Variants in BRINP3 observed in about 807,000 individuals in gnomAD.
BRINP3 encodes the protein BMP/retinoic acid-inducible neural-specific protein 3.
In BRINP3, 19 loss-of-function variants were observed where a neutral mutation model predicts 71.0. That is an observed-to-expected ratio of 0.27 (90% CI 0.19 to 0.39). The LOEUF is 0.39. Ranked by LOEUF, BRINP3 falls within the 10% of genes least tolerant of loss-of-function variation. BRINP3 has a pLI of 1.00. For synonymous variants in BRINP3, 380 were observed against 337.7 expected (o/e 1.13, Z -1.37); for missense variants, 959 against 940.8 (o/e 1.02, Z -0.25).
chr1:190,469,606 T>C (rs1676993792), intron 1 of BRINP3, among the ~76,000 whole-genome samples: 1 of 150,950 alleles, frequency 6.6e-6, no homozygotes, highest in African/African-American at 2.4e-5. Flanking sequence ...GTATATACAT[T>C]TACAGGGCTG....
At chr1:190,204,731 A>G (rs1655342868) in intron 6 of BRINP3, among the ~76,000 whole-genome samples, 1 of 152,038 alleles carries the variant, frequency 6.6e-6, no homozygotes, top group Non-Finnish European at 1.5e-5. Flanking sequence ...ATACTATGAG[A>G]GGATTTCAGA....
intron 3 of BRINP3, among the ~76,000 whole-genome samples, chr1:190,268,281 T>C (rs539633753): frequency 4.6e-5 from 7 of 152,260 alleles, no homozygotes; most frequent in South Asian, 2.1e-4. Context: ...TTTTTTCCCA[T>C]AGAGATGGAG....
chr1:190,101,253 A>G (rs1487724792), intron 7 of BRINP3, among the ~76,000 whole-genome samples: 1 of 152,180 alleles, frequency 6.6e-6, no homozygotes, highest in Non-Finnish European at 1.5e-5. Flanking sequence ...AAATTCTCCC[A>G]AAAGTATGCC....
chr1:190,449,153 A>T lies in BRINP3; in HGVS notation c.236+5502T>A, dbSNP rs1675434998. Among the ~76,000 whole-genome samples the T allele has an allele frequency of 2.0e-5, 3 of 152,080 alleles. No homozygotes were observed. In the South Asian group the frequency reaches 6.2e-4, roughly 31 times the overall value. Reference sequence around the variant, plus strand: ...TAACATTTCCTTGAAATTTTAAAACAATATTTACTATTTTTCACTAAACTC... The same window carrying T: ...TAACATTTCCTTGAAATTTTAAAACTATATTTACTATTTTTCACTAAACTC... On this transcript the variant is annotated intron_variant, in intron 2 of 7. Coordinates refer to ENST00000367462, the MANE Select transcript of BRINP3 (RefSeq NM_199051.3).
At chr1:190,374,952 T>C (rs749537749) in intron 2 of BRINP3, among the ~76,000 whole-genome samples, 1 of 151,880 alleles carries the variant, frequency 6.6e-6, no homozygotes, top group Non-Finnish European at 1.5e-5. Flanking sequence ...AAACAATAAT[T>C]TAAGTACTCA....
Position 190,454,901 on chromosome 1 carries a change from G to C in BRINP3, c.-11C>G, listed in dbSNP as rs1161170206. 1 of 1,606,204 alleles carries C rather than the reference G, an allele frequency of 6.2e-7. No homozygotes were observed. The highest frequency in any genetic ancestry group is 1.3e-5 in the African/African-American group (1 of 74,706). ...GCTTCGCCATATCATGCTTCCACTG[G>C]GGATTTAGAGCCTTCATTCTCTCAG... On this transcript the variant is annotated 5_prime_UTR_variant, in exon 2 of 8. Coordinates refer to ENST00000367462, the MANE Select transcript of BRINP3 (RefSeq NM_199051.3).
chr1:190,271,490 T>A (rs1311364192), intron 3 of BRINP3, among the ~76,000 whole-genome samples: 6 of 151,570 alleles, frequency 4.0e-5, no homozygotes, highest in Non-Finnish European at 4.4e-5. Context: ...TCTCTTTTAT[T>A]CACCACTATT....
Position 190,360,092 on chromosome 1 carries a change from G to A in BRINP3, c.237-78342C>T, listed in dbSNP as rs144952981. ...GTTCATCATTTCCACTATGTAAGTG[G>A]CATCTAAACTGTAAATTTCCCTCAC... On this transcript the variant is annotated intron_variant, in intron 2 of 7. Transcript: ENST00000367462. Among the ~76,000 whole-genome samples the A allele has an allele frequency of 5.2e-3, 785 of 152,236 alleles. 7 individuals carry two copies. The highest frequency in any genetic ancestry group is 0.018 in the African/African-American group (736 of 41,554).
intron 2 of BRINP3, among the ~76,000 whole-genome samples, chr1:190,340,055 G>A (rs970920561): frequency 1.3e-5 from 2 of 151,842 alleles, no homozygotes; most frequent in Non-Finnish European, 2.9e-5. Flanking sequence ...AGAAAAAATA[G>A]CTATTTCTAT....
chr1:190,258,194 G>C (rs186449350), intron 4 of BRINP3, among the ~76,000 whole-genome samples: 15 of 152,154 alleles, frequency 9.9e-5, no homozygotes, highest in Non-Finnish European at 1.6e-4. Context: ...CAGCAATGAC[G>C]GACGCCCCTC....
At chr1:190,124,712 T>A (rs1190615268) in intron 7 of BRINP3, among the ~76,000 whole-genome samples, 5 of 152,016 alleles carry the variant, frequency 3.3e-5, no homozygotes, top group Non-Finnish European at 7.4e-5. Context: ...TTGAATCATA[T>A]CAAAGCTTAT....
At chr1:190,220,030 T>C (rs2102681088) in intron 6 of BRINP3, among the ~76,000 whole-genome samples, 1 of 151,118 alleles carries the variant, frequency 6.6e-6, no homozygotes, top group Admixed American at 6.6e-5. Context: ...GATCAAGGAG[T>C]GGAAATTTTA....
At chr1:190,399,853 G>T (rs1379250404) in intron 2 of BRINP3, among the ~76,000 whole-genome samples, 1 of 151,936 alleles carries the variant, frequency 6.6e-6, no homozygotes, top group African/African-American at 2.4e-5. Context: ...TCTAAATTTA[G>T]CTACTCCTGG....
chr1:190,392,051 G>A (rs1671281846), intron 2 of BRINP3, among the ~76,000 whole-genome samples: 1 of 37,838 alleles, frequency 2.6e-5, no homozygotes, highest in African/African-American at 7.6e-5. Flanking sequence ...CAAGGGTTTA[G>A]CTTGGCCAAA....
chr1:190,235,495 G>A (rs188377483), intron 4 of BRINP3, among the ~76,000 whole-genome samples: 1 of 152,024 alleles, frequency 6.6e-6, no homozygotes, highest in East Asian at 1.9e-4. Flanking sequence ...TCATTTAATG[G>A]TTTCCCATTC....
chr1:190,397,035 A>C (rs555261259), intron 2 of BRINP3, among the ~76,000 whole-genome samples: 1 of 151,958 alleles, frequency 6.6e-6, no homozygotes, highest in Admixed American at 6.6e-5. Context: ...ATGAGTCAAA[A>C]TGCAATGGAT....
At chr1:190,449,290 C>G (rs1313859690) in intron 2 of BRINP3, among the ~76,000 whole-genome samples, 1 of 151,600 alleles carries the variant, frequency 6.6e-6, no homozygotes, top group Non-Finnish European at 1.5e-5. Flanking sequence ...TTTTTCTTGC[C>G]GTATGGTCTT....
chr1:190,320,831 C>T (rs956816977), intron 2 of BRINP3, among the ~76,000 whole-genome samples: 1 of 151,952 alleles, frequency 6.6e-6, no homozygotes, highest in East Asian at 1.9e-4. Flanking sequence ...GATATGAGAA[C>T]GTACAAACTC....
intron 2 of BRINP3, among the ~76,000 whole-genome samples, chr1:190,436,243 A>C (rs552037768): frequency 1.6e-4 from 24 of 152,084 alleles, no homozygotes; most frequent in Middle Eastern, 3.4e-3. Flanking sequence ...AGATATAGAC[A>C]AATGGGAATT....
Sources: allele counts gnomAD v4.1 joint callset (sites outside exome capture counted in the v4.1 genomes callset), GRCh38; gene constraint gnomAD v4.1.1; transcripts MANE v1.5; gene names NCBI Gene and HGNC (gene_info 2026-07-23, HGNC 2026-07-21).